PICK1: variants seen among roughly 807,000 people sequenced by gnomAD.
The protein encoded by PICK1 is protein interacting with PRKCA 1.
Under a neutral mutation model 48.9 loss-of-function variants are expected in PICK1, and 23 were observed. The observed-to-expected ratio is 0.47, with a 90% confidence interval of 0.34 to 0.67. PICK1 has a LOEUF of 0.67. Among genes scored for constraint, PICK1 ranks in the 30% least tolerant of loss-of-function variants. The pLI is 0.01. For synonymous variants in PICK1, 217 were observed against 228.2 expected (o/e 0.95, Z 0.44); for missense variants, 423 against 557.1 (o/e 0.76, Z 2.42).
intron 6 of PICK1, among the ~76,000 whole-genome samples, chr22:38,069,659 G>A (rs930060852): frequency 1.3e-5 from 2 of 152,202 alleles, no homozygotes; most frequent in African/African-American, 2.4e-5. Flanking sequence ...GCTCTGCAGT[G>A]TGCCTGTGGG....
chr22:38,068,987 C>A, intron 5 of PICK1, 46 bp from the exon 6 acceptor site: 1 of 1,501,174 alleles, frequency 6.7e-7, no homozygotes, highest in Non-Finnish European at 9.2e-7. Context: ...GCAGGGATGG[C>A]CTCTGGGCAG....
At position 38,073,676 on chromosome 22, in the gene PICK1, C is replaced by T. The variant is rs966027441; in HGVS notation, c.784-97C>T. On this transcript the variant is annotated intron_variant, in intron 10 of 12. Transcript: ENST00000356976. The surrounding 1 kb of genome is among the most constrained non-coding windows in gnomAD (Gnocchi z 5.7). The stretch of plus-strand genomic sequence containing the variant: ...CGCTCTGGGACTCCCTGAACACCTG[C>T]GCCAGCCTCTCCTGCTGCGTGTGGG... 4.4e-5 allele frequency: 50 copies of T among 1,132,480 alleles called. No homozygotes were observed. In the African/African-American group the frequency reaches 4.7e-4, roughly 11 times the overall value. 70.2% of individuals were successfully genotyped at this position (1,132,480 alleles called of 1,614,324 possible). A position where few individuals can be genotyped will look rare whatever the true frequency, so the allele number is the denominator to read the frequency against.
intron 3 of PICK1, 126 bp from the exon 4 acceptor site, chr22:38,064,876 C>T (rs531350461): frequency 1.7e-5 from 19 of 1,122,566 alleles, no homozygotes; most frequent in East Asian, 9.5e-5. Context: ...GGTGGTGAGA[C>T]GCTTTCTCAA....
Position 38,067,738 on chromosome 22 carries a change from C to T in PICK1, c.317C>T (p.Ala106Val), listed in dbSNP as rs1245485885. 8.7e-6 allele frequency: 14 copies of T among 1,613,916 alleles called. No homozygotes were observed. The highest frequency in any genetic ancestry group is 1.3e-5 in the African/African-American group (1 of 75,038). ...ACCATCCACTACAACAAGCTGCAGG[C>T]GGACCCCAAGCAGGGCATGTCCCTG... ...EVTIHYNKLQ[A>V]DPKQGMSLDI... is the part of the protein sequence containing the mutation. Residue 106 changes from alanine (A) to valine (V), a missense_variant, in exon 5 of 13, where the codon GCG becomes GTG. This residue lies in a region of PICK1 where 279 missense variants were observed against 417.8 expected (regional missense o/e 0.67). Transcript: ENST00000356976.
chr22:38,071,803 C>T lies in PICK1; in HGVS notation c.556+59C>T. The T allele has an allele frequency of 2.7e-6, 4 of 1,456,394 alleles. No individual in the cohort carries two copies. In the South Asian group the frequency reaches 4.5e-5, roughly 17 times the overall value. 90.2% of individuals were successfully genotyped at this position (1,456,394 alleles called of 1,614,324 possible). ...TGGGCAATCCCTGGGGCCTCTCACT[C>T]CCATGCTGAGGTGGGTCAGACCCAC... On this transcript the variant is annotated intron_variant, in intron 8 of 12. Coordinates refer to ENST00000356976, the MANE Select transcript of PICK1 (RefSeq NM_012407.4).
At chr22:38,067,583 A>T in intron 4 of PICK1, 121 bp from the exon 5 acceptor site, 1 of 812,182 alleles carries the variant, frequency 1.2e-6, no homozygotes, top group Non-Finnish European at 2.1e-6. Context: ...TGTTGGGATT[A>T]CAGGTGTGAG....
Position 38,073,666 on chromosome 22 carries a change from T to C in PICK1, c.784-107T>C. ...TGCCGCTGCCCGCTCTGGGACTCCC[T>C]GAACACCTGCGCCAGCCTCTCCTGC... On this transcript the variant is annotated intron_variant, in intron 10 of 12. Coordinates refer to ENST00000356976, the MANE Select transcript of PICK1 (RefSeq NM_012407.4). The surrounding 1 kb of genome is among the most constrained non-coding windows in gnomAD (Gnocchi z 5.7). 1 of 1,053,778 alleles carries C rather than the reference T, an allele frequency of 9.5e-7. No individual in the cohort carries two copies. 65.3% of individuals were successfully genotyped at this position (1,053,778 alleles called of 1,614,324 possible).
chr22:38,065,007 T>C lies in PICK1; in HGVS notation c.159T>C (p.Phe53=). 1 of 1,614,056 alleles carries C rather than the reference T, an allele frequency of 6.2e-7. No individual in the cohort carries two copies. The change falls in exon 4 of 13, where the codon TTT becomes TTC. Residue 53 remains phenylalanine, a synonymous_variant. Transcript: ENST00000356976. The stretch of plus-strand genomic sequence containing the variant: ...CTCTCCTTATGCACCCACAGGTATT[T>C]GACAACACCCCAGCAGCCTTGGACG... The part of the protein sequence containing the change: ...YCPCLYIVQV[F]DNTPAALDGT...
Position 38,074,299 on chromosome 22 carries a change from C to G in PICK1, c.835-8C>G. 1.9e-6 allele frequency: 3 copies of G among 1,612,278 alleles called. No homozygotes were observed. The highest frequency in any genetic ancestry group is 2.2e-5 in the East Asian group (1 of 44,858). Reference sequence around the variant, plus strand: ...TGAGCAGGCACTCCTGTCCCACCCCCGCCCCAGGCCCTAGGCGAGCCCCTT... The same window carrying G: ...TGAGCAGGCACTCCTGTCCCACCCCGGCCCCAGGCCCTAGGCGAGCCCCTT... On this transcript the variant is annotated splice_polypyrimidine_tract_variant and splice_region_variant and intron_variant, in intron 11 of 12. Coordinates refer to ENST00000356976, the MANE Select transcript of PICK1 (RefSeq NM_012407.4). This position sits in a 1 kb window ranked among gnomAD's most constrained non-coding sequence, Gnocchi z 4.5.
intron 5 of PICK1, among the ~76,000 whole-genome samples, chr22:38,068,386 A>C (rs2085584858): frequency 6.6e-6 from 1 of 152,192 alleles, no homozygotes; most frequent in Non-Finnish European, 1.5e-5. Flanking sequence ...CCTGAGACCC[A>C]GAGAGGGCGC....
rs552718085 is a variant in PICK1, at chr22:38,074,143, G to A, written c.835-164G>A. On this transcript the variant is annotated intron_variant, in intron 11 of 12. Transcript: ENST00000356976. The surrounding 1 kb of genome is among the most constrained non-coding windows in gnomAD (Gnocchi z 4.5). ...TGTTCATTGAATGTGGCAGAGGTTT[G>A]GGTTTGGTTTTTTCCTCTCTTCAAA... 6.4e-6 allele frequency: 5 copies of A among 780,062 alleles called. No homozygotes were observed. In the Admixed American group the frequency reaches 1.3e-4, roughly 20 times the overall value. 48.3% of individuals were successfully genotyped at this position (780,062 alleles called of 1,614,324 possible). A position where few individuals can be genotyped will look rare whatever the true frequency, so the allele number is the denominator to read the frequency against.
intron 8 of PICK1, 34 bp from the exon 9 acceptor site, chr22:38,072,443 T>G (rs758321287): frequency 1.2e-6 from 2 of 1,605,860 alleles, no homozygotes; most frequent in Admixed American, 3.3e-5. Flanking sequence ...GGGGGCCAAG[T>G]AGGGGCAGCC....
In PICK1 at chr22:38,073,858, C is replaced by A. The variant is rs765651724; in HGVS notation, c.834+35C>A. The A allele has an allele frequency of 6.2e-7, 1 of 1,603,248 alleles. No individual in the cohort carries two copies. Among genetic ancestry groups the A allele is most frequent in the Non-Finnish European group, 8.5e-7 (1 of 1,170,800 alleles). The stretch of plus-strand genomic sequence containing the variant: ...GGAGGGGGTGGGGGGCTTGTACTTC[C>A]CCCCACCTGGTCTGCCAGGGATAGC... On this transcript the variant is annotated intron_variant, in intron 11 of 12. Coordinates refer to ENST00000356976, the MANE Select transcript of PICK1 (RefSeq NM_012407.4). This position sits in a 1 kb window ranked among gnomAD's most constrained non-coding sequence, Gnocchi z 5.7.
In PICK1 at chr22:38,074,593, GGTGGAGCTGGCCT is replaced by G; in HGVS notation, c.979+146_979+158del. On this transcript the variant is annotated intron_variant, in intron 12 of 12. Coordinates refer to ENST00000356976, the MANE Select transcript of PICK1 (RefSeq NM_012407.4). The surrounding 1 kb of genome is among the most constrained non-coding windows in gnomAD (Gnocchi z 4.5). The stretch of plus-strand genomic sequence containing the variant: ...AGCCATCTGCCCAGAGCCTGGCCTG[GGTGGAGCTGGCCT>G]GTGCGCGTGGGCTCCGTGGGCTGCC... 8.0e-7 allele frequency: 1 copy of G among 1,249,148 alleles called. No homozygotes were observed. The highest frequency in any genetic ancestry group is 1.1e-6 in the Non-Finnish European group (1 of 875,188). The allele number at this position is 1,249,148 out of a possible 1,614,324, so 77.4% of individuals were successfully genotyped here.
chr22:38,075,152 C>T lies in PICK1; in HGVS notation c.*20C>T, dbSNP rs2085809438. The stretch of plus-strand genomic sequence containing the variant: ...TCCTGAGTGCCCCGCGGCTGTGGTG[C>T]CGGGGGCAGGGTGCGTGGGAGGACG... On this transcript the variant is annotated 3_prime_UTR_variant, in exon 13 of 13. Coordinates refer to ENST00000356976, the MANE Select transcript of PICK1 (RefSeq NM_012407.4). 8.1e-6 allele frequency: 13 copies of T among 1,601,704 alleles called. No individual in the cohort carries two copies. The highest frequency in any genetic ancestry group is 1.0e-5 in the Non-Finnish European group (12 of 1,173,956).
intron 2 of PICK1, chr22:38,058,099 T>C (rs1056067640): frequency 3.5e-6 from 2 of 568,570 alleles, no homozygotes; most frequent in Non-Finnish European, 6.3e-6. Context: ...GCAAAGCAGA[T>C]GGAGCAGTGC....
In PICK1 at chr22:38,066,499, T is replaced by G. The variant is rs1001556799; in HGVS notation, c.283-1205T>G. On this transcript the variant is annotated intron_variant, in intron 4 of 12. Transcript: ENST00000356976. The surrounding 1 kb of genome is among the most constrained non-coding windows in gnomAD (Gnocchi z 4.1). Reference sequence around the variant, plus strand: ...CATTGGCCCAGCTCCCCTGTTTGGGTGCTGGGCAGGGATTACTCTCCCATC... The same window carrying G: ...CATTGGCCCAGCTCCCCTGTTTGGGGGCTGGGCAGGGATTACTCTCCCATC... Among the ~76,000 whole-genome samples, 1 of 152,172 alleles carries G rather than the reference T, an allele frequency of 6.6e-6. No individual in the cohort carries two copies. The highest frequency in any genetic ancestry group is 1.5e-5 in the Non-Finnish European group (1 of 68,030).
chr22:38,074,816 C>G lies in PICK1; in HGVS notation c.980-48C>G, dbSNP rs375913571. 247 of 1,600,810 alleles carry G rather than the reference C, an allele frequency of 1.5e-4. No individual in the cohort carries two copies. The highest frequency in any genetic ancestry group is 1.9e-4 in the Non-Finnish European group (229 of 1,178,796). On this transcript the variant is annotated intron_variant, in intron 12 of 12. Coordinates refer to ENST00000356976, the MANE Select transcript of PICK1 (RefSeq NM_012407.4). This position sits in a 1 kb window ranked among gnomAD's most constrained non-coding sequence, Gnocchi z 4.5. The stretch of plus-strand genomic sequence containing the variant: ...GGCTGGGAGAGTCTCCTCCCTGAGG[C>G]AGGCAGCCAGAGCCCACTGCAGCCT...
chr22:38,059,220 G>C lies in PICK1; in HGVS notation c.42-14G>C, dbSNP rs766704218. On this transcript the variant is annotated splice_polypyrimidine_tract_variant and intron_variant, in intron 2 of 12. Transcript: ENST00000356976. ...TCTGCCAGGAGAGTCAGCCTAGCTT[G>C]CTTTCCTTTCTAGCGGAATCCCGAC... is the stretch of plus-strand genomic sequence containing the variant. The C allele has an allele frequency of 6.4e-7, 1 of 1,554,368 alleles. No homozygotes were observed. Among genetic ancestry groups the C allele is most frequent in the East Asian group, 2.4e-5 (1 of 41,642 alleles).
Sources: gnomAD v4.1 joint callset for allele counts (sites outside exome capture counted in the v4.1 genomes callset) on GRCh38, gnomAD v4.1.1 for gene constraint, gnomAD v4.1.1 regional missense constraint, Gnocchi (gnomAD v3.1) non-coding constraint, MANE v1.5 for transcripts, NCBI Gene and HGNC (gene_info 2026-07-23, HGNC 2026-07-21) for gene names.